Variants in FCRL2 observed in about 807,000 individuals in gnomAD.
The protein encoded by FCRL2 is Fc receptor-like protein 2.
FCRL2 carries 48 observed loss-of-function variants against 59.8 expected under a neutral mutation model. That is an observed-to-expected ratio of 0.80 (90% confidence interval 0.64 to 1.02). The LOEUF (loss-of-function observed/expected upper bound fraction) is 1.02. FCRL2 is among the 50% of genes least tolerant of loss of function. The probability of loss-of-function intolerance (pLI) is 0.00; values close to 1 mark genes in which losing one functional copy is unlikely to be tolerated. For missense variants in FCRL2, 658 were observed against 597.3 expected, an observed-to-expected ratio of 1.10 and a Z score of -1.06; for synonymous variants, 251 against 229.5, an observed-to-expected ratio of 1.09 and a Z score of -0.85.
Position 157,769,889 on chromosome 1 carries a change from A to G in FCRL2, c.572T>C (p.Leu191Pro). ...TVTHRIRKQS[L>P]QSQIHVQRIP... ...GCTCTGCACGTGAATCTGGGATTGGAGGCTCTGTTTTCTGATCCTGTGAGT... is the reference window on the plus strand; with the variant it reads ...GCTCTGCACGTGAATCTGGGATTGGGGGCTCTGTTTTCTGATCCTGTGAGT... The change falls in exon 4 of 12, where the codon CTC becomes CCC. Residue 191 changes from leucine (L) to proline (P), a missense_variant. Transcript: ENST00000361516. The G allele has an allele frequency of 6.2e-7, 1 of 1,613,900 alleles. No homozygotes were observed. The highest frequency in any genetic ancestry group is 1.1e-5 in the South Asian group (1 of 91,074).
Position 157,746,790 on chromosome 1 carries a change from A to G in FCRL2, c.1489-16T>C. The G allele has an allele frequency of 6.2e-7, 1 of 1,613,992 alleles. No homozygotes were observed. Among genetic ancestry groups the G allele is most frequent in the Non-Finnish European group, 8.5e-7 (1 of 1,179,834 alleles). ...CTTGGGAGTCCTGGGAGAGACACAC[A>G]GGAATAAAGACTGAGGTGATCAAGA... On this transcript the variant is annotated splice_polypyrimidine_tract_variant and intron_variant, in intron 11 of 11. Transcript: ENST00000361516.
At position 157,746,913 on chromosome 1, in the gene FCRL2, A is replaced by C. The variant is rs527482305; in HGVS notation, c.1460-14T>G. ...TCCTGATGTTTGCTGTTAAGGAAAA[A>C]GTAATAGTTCTGAGCTCTTGCATTC... On this transcript the variant is annotated splice_polypyrimidine_tract_variant and intron_variant, in intron 10 of 11. Coordinates refer to ENST00000361516, the MANE Select transcript of FCRL2 (RefSeq NM_030764.4). The C allele has an allele frequency of 2.5e-6, 4 of 1,612,420 alleles. No individual in the cohort carries two copies. In the South Asian group the frequency reaches 4.4e-5, roughly 18 times the overall value.
chr1:157,774,422 A>G, intron 2 of FCRL2: 1 of 456,454 alleles, frequency 2.2e-6, no homozygotes, highest in Non-Finnish European at 4.4e-6. Context: ...TGCTCTTTCC[A>G]GTACATCATG....
intron 7 of FCRL2, among the ~76,000 whole-genome samples, chr1:157,752,662 GT>G (rs1443366330): frequency 6.6e-6 from 1 of 152,164 alleles, no homozygotes; most frequent in Non-Finnish European, 1.5e-5. Context: ...GAGTACCCTT[GT>G]TAGATGAATC....
At position 157,774,471 on chromosome 1, in the gene FCRL2, G is replaced by C. The variant is rs77326280; in HGVS notation, c.52+1304C>G. 6.0e-3 allele frequency: 2,730 copies of C among 456,242 alleles called. 33 individuals are homozygous for C. In the East Asian group the frequency reaches 0.061, roughly 10 times the overall value. 28.3% of individuals were successfully genotyped at this position (456,242 alleles called of 1,614,324 possible). A position where few individuals can be genotyped will look rare whatever the true frequency, so the allele number is the denominator to read the frequency against. ...TCTCTTACTCTTTTTAAAAAGAAAA[G>C]ATCTCAAACTTCTGAAGAACATCTC... On this transcript the variant is annotated intron_variant, in intron 2 of 11. Transcript: ENST00000361516.
At chr1:157,765,980 G>C (rs754821422) in intron 7 of FCRL2, among the ~76,000 whole-genome samples, 13 of 152,132 alleles carry the variant, frequency 8.5e-5, no homozygotes, top group South Asian at 4.1e-4. Flanking sequence ...ATGTTGAGAG[G>C]CTGCGTATAT....
At chr1:157,755,222 A>G (rs1276164875) in intron 7 of FCRL2, among the ~76,000 whole-genome samples, 4 of 152,194 alleles carry the variant, frequency 2.6e-5, no homozygotes, top group Non-Finnish European at 5.9e-5. Flanking sequence ...TCATCTACAA[A>G]TCACTAAGAA....
At chr1:157,756,100 G>T (rs6686283) in intron 7 of FCRL2, among the ~76,000 whole-genome samples, 2,694 of 152,258 alleles carry the variant, frequency 0.018, 69 homozygotes, top group African/African-American at 0.06. Context: ...AGGTATCATG[G>T]TCCTCATGAT....
intron 2 of FCRL2, among the ~76,000 whole-genome samples, chr1:157,772,223 A>G (rs1650075975): frequency 6.6e-6 from 1 of 151,922 alleles, no homozygotes; most frequent in Non-Finnish European, 1.5e-5. Flanking sequence ...TCCTGTAGAG[A>G]ACACCACTGG....
chr1:157,775,909 T>C (rs1182957051), intron 1 of FCRL2, 114 bp from the exon 2 acceptor site: 22 of 1,128,564 alleles, frequency 1.9e-5, no homozygotes, highest in Non-Finnish European at 2.8e-5. Context: ...CCCTTTCTTT[T>C]CTATTTCCCT....
chr1:157,755,672 T>G (rs985832840), intron 7 of FCRL2, among the ~76,000 whole-genome samples: 2 of 152,200 alleles, frequency 1.3e-5, no homozygotes, highest in Non-Finnish European at 1.5e-5. Flanking sequence ...ATGAATAGAA[T>G]TCTTTGCAAC....
chr1:157,761,857 G>A (rs901237267), intron 7 of FCRL2, among the ~76,000 whole-genome samples: 1 of 152,156 alleles, frequency 6.6e-6, no homozygotes, highest in Non-Finnish European at 1.5e-5. Flanking sequence ...GAATATGTTG[G>A]TTGTAAAAGG....
chr1:157,763,849 T>TGA (rs554695872), intron 7 of FCRL2, among the ~76,000 whole-genome samples: 109 of 151,850 alleles, frequency 7.2e-4, no homozygotes, highest in African/African-American at 2.2e-3. Context: ...GCCAACATGG[T>TGA]GAAACCCCGT....
chr1:157,757,646 C>T (rs1414441915), intron 7 of FCRL2, among the ~76,000 whole-genome samples: 1 of 152,142 alleles, frequency 6.6e-6, no homozygotes, highest in African/African-American at 2.4e-5. Flanking sequence ...CTTAAACTTC[C>T]CAGCCTTTAG....
At chr1:157,768,330 C>T (rs752471807) in intron 5 of FCRL2, 84 bp downstream of exon 5, 149 of 1,413,376 alleles carry the variant, frequency 1.1e-4, no homozygotes, top group Middle Eastern at 1.8e-4. Context: ...ATCCCTGGGG[C>T]CTCCTGAAAT....
In FCRL2 at chr1:157,772,108, C is replaced by T. The variant is rs561746688; in HGVS notation, c.53-1442G>A. Among the ~76,000 whole-genome samples, 3 of 151,014 alleles carry T rather than the reference C, an allele frequency of 2.0e-5. No individual in the cohort carries two copies. In the East Asian group the frequency reaches 5.8e-4, roughly 29 times the overall value. On this transcript the variant is annotated intron_variant, in intron 2 of 11. Transcript: ENST00000361516. ...TAACTTAATTCAAGATTTGTGGCCTCCTTTGCAAATGGATACTAGATCTCA... is the reference window on the plus strand; with the variant it reads ...TAACTTAATTCAAGATTTGTGGCCTTCTTTGCAAATGGATACTAGATCTCA...
At position 157,746,978 on chromosome 1, in the gene FCRL2, T is replaced by C. The variant is rs1215542061; in HGVS notation, c.1460-79A>G. 5 of 1,432,314 alleles carry C rather than the reference T, an allele frequency of 3.5e-6. No individual in the cohort carries two copies. In the African/African-American group the frequency reaches 4.2e-5, roughly 12 times the overall value. 88.7% of individuals were successfully genotyped at this position (1,432,314 alleles called of 1,614,324 possible). On this transcript the variant is annotated intron_variant, in intron 10 of 11. Transcript: ENST00000361516. ...CTCCCAGACTTTATGCCCCAGGGCA[T>C]AGAACTACTATGCTTAGTATGTGGA...
intron 7 of FCRL2, among the ~76,000 whole-genome samples, chr1:157,750,994 A>G (rs1648142841): frequency 6.6e-6 from 1 of 152,232 alleles, no homozygotes; most frequent in Admixed American, 6.5e-5. Context: ...TAACAAAACT[A>G]TGAAAAAATT....
rs1553203620 is a variant in FCRL2, at chr1:157,760,702, A to AGAAG, written c.1279+6152_1279+6153insCTTC. ...AGGAAAGAAAGAAAGAAAGAAGGAA[A>AGAAG]GAAAGAAAGAAAGAAAGAAAGAAAG... On this transcript the variant is annotated intron_variant, in intron 7 of 11. Transcript: ENST00000361516. Among the ~76,000 whole-genome samples the AGAAG allele has an allele frequency of 1.5e-3, 122 of 79,780 alleles. 2 individuals are homozygous for AGAAG. Among genetic ancestry groups the AGAAG allele is most frequent in the African/African-American group, 6.8e-3 (117 of 17,222 alleles). 52.3% of individuals were successfully genotyped at this position (79,780 alleles called of 152,430 possible). A position where few individuals can be genotyped will look rare whatever the true frequency, so the allele number is the denominator to read the frequency against.
Sources: allele counts gnomAD v4.1 joint callset (sites outside exome capture counted in the v4.1 genomes callset), GRCh38; gene constraint gnomAD v4.1.1; transcripts MANE v1.5; gene names NCBI Gene and HGNC (gene_info 2026-07-23, HGNC 2026-07-21).